CDH12: variants seen among roughly 807,000 people sequenced by gnomAD.
CDH12 encodes cadherin-12.
CDH12 carries 41 observed loss-of-function variants against 74.1 expected under a neutral mutation model. That is an observed-to-expected ratio of 0.55 (90% confidence interval 0.43 to 0.72). The LOEUF (loss-of-function observed/expected upper bound fraction) is 0.72, where lower values mean the gene tolerates loss of function less well. CDH12 is among the 30% of genes least tolerant of loss of function. CDH12 has a pLI of 0.00. For missense variants in CDH12, 945 were observed against 977.2 expected, an observed-to-expected ratio of 0.97 and a Z score of 0.44; for synonymous variants, 399 against 355.0, an observed-to-expected ratio of 1.12 and a Z score of -1.39.
intron 3 of CDH12, among the ~76,000 whole-genome samples, chr5:22,393,660 T>C (rs1742339841): frequency 6.6e-6 from 1 of 152,132 alleles, no homozygotes; most frequent in African/African-American, 2.4e-5. Flanking sequence ...TTGGTAGAAA[T>C]ATGAATGTCA....
At chr5:22,465,193 G>A (rs1745678370) in intron 2 of CDH12, among the ~76,000 whole-genome samples, 2 of 152,120 alleles carry the variant, frequency 1.3e-5, no homozygotes, top group African/African-American at 4.8e-5. Context: ...CTAATTCCTG[G>A]AAGTTCACAT....
At chr5:22,481,409 G>A (rs1746378728) in intron 2 of CDH12, among the ~76,000 whole-genome samples, 1 of 152,136 alleles carries the variant, frequency 6.6e-6, no homozygotes, top group African/African-American at 2.4e-5. Context: ...TCATGTTCAT[G>A]GCAGCATAAG....
intron 5 of CDH12, among the ~76,000 whole-genome samples, chr5:22,053,626 CTTATCT>C (rs1219228971): frequency 6.6e-6 from 1 of 152,028 alleles, no homozygotes. Context: ...CTCCCATTTT[CTTATCT>C]TTATCAGGCA....
chr5:22,650,891 G>A (rs959662185), intron 1 of CDH12, among the ~76,000 whole-genome samples: 1 of 151,972 alleles, frequency 6.6e-6, no homozygotes, highest in African/African-American at 2.4e-5. Flanking sequence ...TCTTTACACT[G>A]TGTGGTGGGA....
At chr5:21,855,456 G>A (rs1750704947) in intron 6 of CDH12, among the ~76,000 whole-genome samples, 1 of 151,464 alleles carries the variant, frequency 6.6e-6, no homozygotes, top group South Asian at 2.1e-4. Context: ...AAGTTGAAGG[G>A]AGCTTTTCTT....
intron 5 of CDH12, among the ~76,000 whole-genome samples, chr5:21,980,659 G>A (rs1437728195): frequency 2.6e-5 from 4 of 152,008 alleles, no homozygotes; most frequent in South Asian, 2.1e-4. Flanking sequence ...TATGTGTGGG[G>A]TTTTGTCTTT....
chr5:22,221,846 G>A (rs914584508), intron 3 of CDH12, among the ~76,000 whole-genome samples: 1 of 151,872 alleles, frequency 6.6e-6, no homozygotes, highest in African/African-American at 2.4e-5. Context: ...ATGTAAATTT[G>A]TTGTATATAA....
chr5:22,767,728 C>G (rs1746595175), intron 1 of CDH12, among the ~76,000 whole-genome samples: 1 of 151,828 alleles, frequency 6.6e-6, no homozygotes, highest in Non-Finnish European at 1.5e-5. Flanking sequence ...AAAATTATAC[C>G]TACGAGTTCT....
chr5:22,046,430 C>CTTTTTTTTTTTTTTTTTTTTTT (rs11323330), intron 5 of CDH12, among the ~76,000 whole-genome samples: 2 of 100,368 alleles, frequency 2.0e-5, no homozygotes, highest in African/African-American at 8.5e-5. Context: ...CATTTAATTT[C>CTTTTTTTTTTTTTTTTTTTTTT]TTTTTTTTTT....
chr5:21,854,594 C>T (rs1055006756), intron 7 of CDH12, 77 bp downstream of exon 7: 6 of 1,222,392 alleles, frequency 4.9e-6, no homozygotes, highest in Non-Finnish European at 7.0e-6. Flanking sequence ...GAATATGCAA[C>T]TCCCCATGCC....
chr5:22,596,183 T>A (rs1260321032), intron 1 of CDH12, among the ~76,000 whole-genome samples: 1 of 151,706 alleles, frequency 6.6e-6, no homozygotes, highest in African/African-American at 2.4e-5. Flanking sequence ...ATGTCTGTAA[T>A]CCCAGCATTC....
At chr5:22,204,441 G>A (rs561338297) in intron 4 of CDH12, among the ~76,000 whole-genome samples, 51 of 152,296 alleles carry the variant, frequency 3.3e-4, no homozygotes, top group African/African-American at 1.2e-3. Flanking sequence ...GATTACAGGC[G>A]TGAGCCACCG....
intron 1 of CDH12, among the ~76,000 whole-genome samples, chr5:22,748,856 G>T (rs76648948): frequency 2.0e-5 from 3 of 152,268 alleles, no homozygotes; most frequent in Non-Finnish European, 4.4e-5. Flanking sequence ...ATGTTTTAGC[G>T]TAGGGGCTGT....
chr5:21,855,348 A>T (rs1750698408), intron 6 of CDH12, among the ~76,000 whole-genome samples: 1 of 151,710 alleles, frequency 6.6e-6, no homozygotes, highest in Admixed American at 6.6e-5. Flanking sequence ...GATTGAATTA[A>T]CCTAAAGATA....
At chr5:22,044,669 C>T (rs1478246391) in intron 5 of CDH12, among the ~76,000 whole-genome samples, 1 of 152,124 alleles carries the variant, frequency 6.6e-6, no homozygotes, top group Non-Finnish European at 1.5e-5. Context: ...TATGTATAGC[C>T]AACTGATTTT....
intron 1 of CDH12, among the ~76,000 whole-genome samples, chr5:22,792,765 G>A (rs1747981729): frequency 6.6e-6 from 1 of 152,194 alleles, no homozygotes; most frequent in African/African-American, 2.4e-5. Context: ...GGAAACGGGA[G>A]TTGGGTCATC....
At chr5:22,512,134 A>T (rs772673533) in intron 1 of CDH12, among the ~76,000 whole-genome samples, 1 of 152,234 alleles carries the variant, frequency 6.6e-6, no homozygotes, top group Admixed American at 6.5e-5. Context: ...TTATAGATAC[A>T]TAAGTATTAG....
intron 3 of CDH12, among the ~76,000 whole-genome samples, chr5:22,315,935 G>A (rs1461439528): frequency 6.6e-6 from 1 of 151,910 alleles, no homozygotes; most frequent in African/African-American, 2.4e-5. Flanking sequence ...GCTAATACCT[G>A]TCTTACTCTA....
intron 3 of CDH12, among the ~76,000 whole-genome samples, chr5:22,323,092 T>C (rs1738950882): frequency 6.6e-6 from 1 of 152,136 alleles, no homozygotes; most frequent in Non-Finnish European, 1.5e-5. Context: ...CATTTGTAAT[T>C]GATCAGCAAT....
Sources: gnomAD v4.1 joint callset for allele counts (sites outside exome capture counted in the v4.1 genomes callset) on GRCh38, gnomAD v4.1.1 for gene constraint, MANE v1.5 for transcripts, NCBI Gene and HGNC (gene_info 2026-07-23, HGNC 2026-07-21) for gene names.